Variants in LHPP observed in about 807,000 individuals in gnomAD.
The protein encoded by LHPP is phospholysine phosphohistidine inorganic pyrophosphate phosphatase, also known as hLHPP.
LHPP carries 24 observed loss-of-function variants against 30.3 expected under a neutral mutation model. The observed-to-expected ratio is 0.79, with a 90% CI of 0.57 to 1.11. LHPP has a LOEUF of 1.11. LHPP is among the 50% of genes most tolerant of loss of function. LHPP has a pLI of 0.00. For synonymous variants in LHPP, 150 were observed against 157.1 expected (o/e 0.95, Z 0.34); for missense variants, 356 against 367.2 (o/e 0.97, Z 0.25).
intron 6 of LHPP, among the ~76,000 whole-genome samples, chr10:124,533,864 G>T (rs893189477): frequency 2.0e-5 from 3 of 151,722 alleles, no homozygotes; most frequent in Admixed American, 6.5e-5. Context: ...TGACTCAGGG[G>T]TGCGCGAGGA....
rs1245913240 is a variant in LHPP at position 124,576,162 on chromosome 10, C to T, written c.717-37102C>T. ...CTTGATCAGCTGCTGAGGGTGACTT[C>T]ACATGAGATTATAATTGTACTGCCT... On this transcript the variant is annotated intron_variant, in intron 6 of 6. Transcript: ENST00000368842. The surrounding 1 kb of genome is among the most constrained non-coding windows in gnomAD (Gnocchi z 4.2). Among the ~76,000 whole-genome samples the T allele has an allele frequency of 1.3e-5, 2 of 152,144 alleles. No individual in the cohort carries two copies. The highest frequency in any genetic ancestry group is 2.9e-5 in the Non-Finnish European group (2 of 68,024).
In LHPP at chr10:124,478,351, G is replaced by A. The variant is rs1306057642; in HGVS notation, c.126-5788G>A. Among the ~76,000 whole-genome samples, 3 of 152,208 alleles carry A rather than the reference G, an allele frequency of 2.0e-5. No homozygotes were observed. Among genetic ancestry groups the A allele is most frequent in the Non-Finnish European group, 4.4e-5 (3 of 68,028 alleles). On this transcript the variant is annotated intron_variant, in intron 1 of 6. Transcript: ENST00000368842. The surrounding 1 kb of genome is among the most constrained non-coding windows in gnomAD (Gnocchi z 4.7). Reference sequence around the variant, plus strand: ...GAGGGCCTCTGGGTCACACGAAGGTGACCAGTACCGGGGCTAGAGGGCAGG... The same window carrying A: ...GAGGGCCTCTGGGTCACACGAAGGTAACCAGTACCGGGGCTAGAGGGCAGG...
intron 6 of LHPP, among the ~76,000 whole-genome samples, chr10:124,538,004 A>G (rs143712700): frequency 6.6e-6 from 1 of 152,276 alleles, no homozygotes; most frequent in Non-Finnish European, 1.5e-5. Context: ...GCACTGCCCC[A>G]AGGCACTGCC....
intron 6 of LHPP, among the ~76,000 whole-genome samples, chr10:124,584,113 G>T (rs766920523): frequency 2.6e-5 from 4 of 151,948 alleles, no homozygotes; most frequent in Admixed American, 6.6e-5. Flanking sequence ...GAGTGTCTTA[G>T]TCCATTTGTG....
intron 6 of LHPP, among the ~76,000 whole-genome samples, chr10:124,602,328 A>T (rs910474052): frequency 5.3e-5 from 8 of 152,264 alleles, no homozygotes; most frequent in African/African-American, 1.9e-4. Flanking sequence ...CAGAGCACAT[A>T]GAGACGCCAC....
At chr10:124,554,437 C>T (rs981080694) in intron 6 of LHPP, among the ~76,000 whole-genome samples, 2 of 152,230 alleles carry the variant, frequency 1.3e-5, no homozygotes, top group Non-Finnish European at 2.9e-5. Context: ...CTCAAGTGAT[C>T]CTCCTGCCTT....
rs765390737 is a variant in LHPP at position 124,461,968 on chromosome 10, T to A, written c.106T>A (p.Ser36Thr). 8.2e-7 allele frequency: 1 copy of A among 1,222,380 alleles called. No homozygotes were observed. Among genetic ancestry groups the A allele is most frequent in the Admixed American group, 4.3e-5 (1 of 23,208 alleles). 75.7% of individuals were successfully genotyped at this position (1,222,380 alleles called of 1,614,324 possible). A position where few individuals can be genotyped will look rare whatever the true frequency, so the allele number is the denominator to read the frequency against. The change falls in exon 1 of 7, where the codon TCG (serine) becomes ACG (threonine). Residue 36 changes from serine (S) to threonine (T), a missense_variant. Ser to Thr is a moderately conservative substitution (Grantham distance 58). Coordinates refer to ENST00000368842, the MANE Select transcript of LHPP (RefSeq NM_022126.4). ...GGGCGGCGGCACGGCCATCGCCGGC[T>A]CGGTGGAGGCGGTGGCCAGGTGAGT... Reference protein sequence around the residue: ...GAGGGTAIAGSVEAVARLKRS... With the variant: ...GAGGGTAIAGTVEAVARLKRS...
intron 6 of LHPP, among the ~76,000 whole-genome samples, chr10:124,520,125 G>A (rs1460271078): frequency 6.6e-6 from 1 of 151,908 alleles, no homozygotes; most frequent in South Asian, 2.1e-4. Context: ...GAGCCACCGC[G>A]CCCGGCCTCT....
rs369379488 is a variant in LHPP, at chr10:124,528,743, C to G, written c.716+11472C>G. 1.2e-4 allele frequency among the ~76,000 whole-genome samples: 19 copies of G among 152,250 alleles called. No homozygotes were observed. In the East Asian group the frequency reaches 1.6e-3, roughly 12 times the overall value. ...TGTCCTCTGTTAGTCCCCTGGTCCC[C>G]GTAGATATTTACCAAGCACCTACTA... On this transcript the variant is annotated intron_variant, in intron 6 of 6. Transcript: ENST00000368842.
At chr10:124,570,768 C>T (rs1948572594) in intron 6 of LHPP, among the ~76,000 whole-genome samples, 1 of 152,256 alleles carries the variant, frequency 6.6e-6, no homozygotes, top group Non-Finnish European at 1.5e-5. Flanking sequence ...AATGTCTTGA[C>T]CGTTCATCTG....
intron 5 of LHPP, among the ~76,000 whole-genome samples, chr10:124,499,906 G>A (rs546743455): frequency 1.5e-4 from 23 of 152,108 alleles, no homozygotes; most frequent in African/African-American, 5.3e-4. Flanking sequence ...GAAGATGCAG[G>A]CTGTCTGGAG....
intron 6 of LHPP, among the ~76,000 whole-genome samples, chr10:124,587,024 CTTTTTTTTTTTT>C (rs57728201): frequency 1.7e-5 from 2 of 120,742 alleles, no homozygotes; most frequent in East Asian, 2.4e-4. Flanking sequence ...GTGCTTGCTA[CTTTTTTTTTTTT>C]TTTTTTTTTT....
rs935926655 is a variant in LHPP, at chr10:124,576,314, G to A, written c.717-36950G>A. Among the ~76,000 whole-genome samples, 9 of 152,120 alleles carry A rather than the reference G, an allele frequency of 5.9e-5. No homozygotes were observed. The highest frequency in any genetic ancestry group is 2.2e-4 in the African/African-American group (9 of 41,406). ...AACATAAAGTACTAGTGTGGGGTAT[G>A]AGGCAGCATGTGGGGGCGCTGGGGT... On this transcript the variant is annotated intron_variant, in intron 6 of 6. Transcript: ENST00000368842. This position sits in a 1 kb window ranked among gnomAD's most constrained non-coding sequence, Gnocchi z 4.2.
In LHPP at chr10:124,562,703, G is replaced by A. The variant is rs746210350; in HGVS notation, c.716+45432G>A. Reference sequence around the variant, plus strand: ...TCCCAGCATTTTGGAAGGCTAAGGTGGGTGGATCACTTGAGGCCAGGAGCT... The same window carrying A: ...TCCCAGCATTTTGGAAGGCTAAGGTAGGTGGATCACTTGAGGCCAGGAGCT... On this transcript the variant is annotated intron_variant, in intron 6 of 6. Transcript: ENST00000368842. Among the ~76,000 whole-genome samples, 5 of 152,270 alleles carry A rather than the reference G, an allele frequency of 3.3e-5. No homozygotes were observed. The South Asian group carries it at 1.0e-3, about 32-fold the overall frequency.
chr10:124,504,948 T>C (rs1954020532), intron 5 of LHPP, among the ~76,000 whole-genome samples: 1 of 152,088 alleles, frequency 6.6e-6, no homozygotes, highest in African/African-American at 2.4e-5. Context: ...CGTGGCTGCT[T>C]GAGGCTTTGG....
At chr10:124,604,174 G>A (rs556961271) in intron 6 of LHPP, among the ~76,000 whole-genome samples, 4 of 152,304 alleles carry the variant, frequency 2.6e-5, no homozygotes, top group Admixed American at 6.5e-5. Flanking sequence ...GTCATTCCCC[G>A]ACCTGCTTCC....
intron 6 of LHPP, among the ~76,000 whole-genome samples, chr10:124,565,848 G>A (rs371405062): frequency 2.0e-4 from 30 of 152,344 alleles, no homozygotes; most frequent in African/African-American, 5.5e-4. Context: ...GCCCGGCGTC[G>A]GGTTACAGCA....
chr10:124,463,159 T>A (rs984549666), intron 1 of LHPP, among the ~76,000 whole-genome samples: 4 of 151,924 alleles, frequency 2.6e-5, no homozygotes, highest in Admixed American at 6.6e-5. Flanking sequence ...GTGAGCCACA[T>A]GCCCAGTTGA....
rs1475911931 is a variant in LHPP, at chr10:124,496,896, T to C, written c.468-65T>C. 2.7e-6 allele frequency: 4 copies of C among 1,458,992 alleles called. No homozygotes were observed. The highest frequency in any genetic ancestry group is 2.8e-5 in the African/African-American group (2 of 71,314). The allele number at this position is 1,458,992 out of a possible 1,614,324, so 90.4% of individuals were successfully genotyped here. Reference sequence around the variant, plus strand: ...GACAGGCCCGGTGCTCAGCTCCCGATACTTAGCATCCTGCGGTCAGCTCCC... The same window carrying C: ...GACAGGCCCGGTGCTCAGCTCCCGACACTTAGCATCCTGCGGTCAGCTCCC... On this transcript the variant is annotated intron_variant, in intron 3 of 6. Coordinates refer to ENST00000368842, the MANE Select transcript of LHPP (RefSeq NM_022126.4). This position sits in a 1 kb window ranked among gnomAD's most constrained non-coding sequence, Gnocchi z 4.3.
Sources: gnomAD v4.1 joint callset for allele counts (sites outside exome capture counted in the v4.1 genomes callset) on GRCh38, gnomAD v4.1.1 for gene constraint, Gnocchi (gnomAD v3.1) non-coding constraint, MANE v1.5 for transcripts, NCBI Gene and HGNC (gene_info 2026-07-23, HGNC 2026-07-21) for gene names.